Variants in DHCR24 observed in about 807,000 individuals in gnomAD.
DHCR24 encodes 24-dehydrocholesterol reductase, also known as delta(24)-sterol reductase.
A neutral mutation model predicts 61.2 loss-of-function variants in DHCR24; 28 were observed. The ratio of observed to expected loss-of-function variants is 0.46; its 90% confidence interval spans 0.34 to 0.63. The LOEUF is 0.63. Ranked by LOEUF, DHCR24 falls within the 20% of genes least tolerant of loss-of-function variation. DHCR24 has a pLI of 0.01. For synonymous variants in DHCR24, 261 were observed against 275.9 expected (o/e 0.95, Z 0.54); for missense variants, 538 against 679.1 (o/e 0.79, Z 2.31).
At chr1:54,854,583 A>G (rs1282105608) in intron 6 of DHCR24, among the ~76,000 whole-genome samples, 1 of 152,244 alleles carries the variant, frequency 6.6e-6, no homozygotes. Flanking sequence ...GCTAGCTATC[A>G]TTCCTGATCT....
chr1:54,871,553 C>T lies in DHCR24; in HGVS notation c.673G>A (p.Val225Met). 1 of 1,614,176 alleles carries T rather than the reference C, an allele frequency of 6.2e-7. No homozygotes were observed. The highest frequency in any genetic ancestry group is 1.1e-5 in the South Asian group (1 of 91,078). ...GGGATGATGCGGATCTCAGCGGCCA[C>T]CAGGAAACCCAGCGTCCCACAGGAC... ...PWSCGTLGFL[V>M]AAEIRIIPAK... The change falls in exon 5 of 9, where the codon GTG becomes ATG. Residue 225 changes from valine (V) to methionine (M), a missense_variant. By Grantham distance (21) the Val-to-Met change is conservative. Transcript: ENST00000371269.
At position 54,886,919 on chromosome 1, in the gene DHCR24, G is replaced by A; in HGVS notation, c.201C>T (p.His67=). ...TCTGGATGTCCCGCACGCGCTGCTCGTGCAGGCGCGGAGCGCTGCTGAGCT... is the reference window on the plus strand; with the variant it reads ...TCTGGATGTCCCGCACGCGCTGCTCATGCAGGCGCGGAGCGCTGCTGAGCT... ...VFKLSSAPRL[H]EQRVRDIQKQ... is the part of the protein sequence containing the mutation. Residue 67 remains histidine (H), a synonymous_variant, in exon 1 of 9, where the codon CAC becomes CAT. Coordinates refer to ENST00000371269, the MANE Select transcript of DHCR24 (RefSeq NM_014762.4). The A allele has an allele frequency of 2.5e-6, 4 of 1,613,332 alleles. No homozygotes were observed. Among genetic ancestry groups the A allele is most frequent in the Non-Finnish European group, 3.4e-6 (4 of 1,179,620 alleles).
chr1:54,875,031 G>T, intron 4 of DHCR24, 62 bp downstream of exon 4: 1 of 1,436,754 alleles, frequency 7.0e-7, no homozygotes, highest in South Asian at 1.1e-5. Context: ...CCACCTCCCT[G>T]ACCTCAGGAT....
At chr1:54,853,098 TGCC>T (rs1307632656) in intron 8 of DHCR24, among the ~76,000 whole-genome samples, 9 of 152,140 alleles carry the variant, frequency 5.9e-5, no homozygotes, top group Admixed American at 5.9e-4. Context: ...CTGGAGCAGT[TGCC>T]CCTGGACCCA....
intron 3 of DHCR24, 38 bp downstream of exon 3, chr1:54,875,904 C>G: frequency 6.4e-7 from 1 of 1,560,958 alleles, no homozygotes. Context: ...GTCCTAGGAC[C>G]GTGTGTCTCT....
intron 1 of DHCR24, among the ~76,000 whole-genome samples, chr1:54,884,212 C>CA (rs1393815604): frequency 2.6e-5 from 4 of 152,112 alleles, no homozygotes; most frequent in African/African-American, 9.7e-5. Context: ...TAAGGAAACT[C>CA]AAAAGCAAAA....
rs772411398 is a variant in DHCR24 at position 54,852,438 on chromosome 1, G to A, written c.1398-52C>T. 3.7e-6 allele frequency: 6 copies of A among 1,606,272 alleles called. No individual in the cohort carries two copies. The African/African-American group carries it at 6.7e-5, about 18-fold the overall frequency. On this transcript the variant is annotated intron_variant, in intron 8 of 8. Coordinates refer to ENST00000371269, the MANE Select transcript of DHCR24 (RefSeq NM_014762.4). ...ACGCCAGGAGGCACACGGAACGCGA[G>A]GCGTGAGAGAAACCCAACTGCTCAT...
rs2075391 is a variant in DHCR24 at position 54,875,720 on chromosome 1, A to T, written c.493+222T>A. On this transcript the variant is annotated intron_variant, in intron 3 of 8. Coordinates refer to ENST00000371269, the MANE Select transcript of DHCR24 (RefSeq NM_014762.4). ...GAACAAGTCACAGGGAAGCAGATTC[A>T]AACCAGAAATTAAAAGTGCCTTCTG... Among the ~76,000 whole-genome samples the T allele has an allele frequency of 0.015, 2,356 of 152,306 alleles. 80 individuals are homozygous for T. Among genetic ancestry groups the T allele is most frequent in the East Asian group, 0.12 (625 of 5,174 alleles).
At chr1:54,884,439 G>A (rs1647081832) in intron 1 of DHCR24, among the ~76,000 whole-genome samples, 1 of 152,160 alleles carries the variant, frequency 6.6e-6, no homozygotes, top group Non-Finnish European at 1.5e-5. Context: ...GAGCAGGGAA[G>A]GACCACCAAG....
intron 6 of DHCR24, among the ~76,000 whole-genome samples, chr1:54,861,553 G>A (rs1024174767): frequency 1.3e-5 from 2 of 152,076 alleles, no homozygotes; most frequent in South Asian, 2.1e-4. Flanking sequence ...AGTCCCTGGG[G>A]GCCTCTCACA....
rs116270745 is a variant in DHCR24, at chr1:54,854,755, C to A, written c.1021-521G>T. ...GGGTGGGTGCAGTCTGGCTCAGGTTCGACAAGGAGCCCACTGGTTTGCAGC... is the reference window on the plus strand; with the variant it reads ...GGGTGGGTGCAGTCTGGCTCAGGTTAGACAAGGAGCCCACTGGTTTGCAGC... On this transcript the variant is annotated intron_variant, in intron 6 of 8. Transcript: ENST00000371269. Among the ~76,000 whole-genome samples the A allele has an allele frequency of 4.0e-3, 614 of 152,278 alleles. 9 individuals carry two copies. The highest frequency in any genetic ancestry group is 0.014 in the African/African-American group (576 of 41,550).
chr1:54,874,952 C>A, intron 4 of DHCR24, 141 bp downstream of exon 4: 1 of 770,368 alleles, frequency 1.3e-6, no homozygotes. Context: ...TAAGGGGCTA[C>A]ACAAATTTTT....
intron 5 of DHCR24, among the ~76,000 whole-genome samples, chr1:54,867,428 G>A (rs915816904): frequency 6.6e-6 from 1 of 152,122 alleles, no homozygotes; most frequent in Non-Finnish European, 1.5e-5. Flanking sequence ...TGCTCACTGG[G>A]GCACTTGGCA....
At chr1:54,866,410 A>G (rs1646968218) in intron 5 of DHCR24, among the ~76,000 whole-genome samples, 1 of 150,170 alleles carries the variant, frequency 6.7e-6, no homozygotes, top group African/African-American at 2.5e-5. Context: ...GTTCAGTGGC[A>G]CGATCTTGGC....
intron 6 of DHCR24, among the ~76,000 whole-genome samples, chr1:54,858,803 A>C (rs892620677): frequency 6.6e-6 from 1 of 151,970 alleles, no homozygotes; most frequent in East Asian, 1.9e-4. Context: ...CATCTGGCTA[A>C]TTTTGTATTT....
chr1:54,886,724 A>G (rs867389087), intron 1 of DHCR24, 165 bp downstream of exon 1: 1 of 720,808 alleles, frequency 1.4e-6, no homozygotes, highest in Admixed American at 4.5e-5. Context: ...CCCCGCCCCC[A>G]TCACATTTTT....
At chr1:54,886,791 CG>C in intron 1 of DHCR24, 97 bp downstream of exon 1, 1 of 1,537,884 alleles carries the variant, frequency 6.5e-7, no homozygotes. Flanking sequence ...AAGTCCTGGC[CG>C]CCCCCGCACC....
rs201458129 is a variant in DHCR24, at chr1:54,853,446, C to T, written c.1385G>A (p.Arg462His). 101 of 1,614,050 alleles carry T rather than the reference C, an allele frequency of 6.3e-5. No individual in the cohort carries two copies. The highest frequency in any genetic ancestry group is 7.5e-5 in the Non-Finnish European group (88 of 1,180,012). Residue 462 changes from arginine (R) to histidine (H), a missense_variant, in exon 8 of 9, where the codon CGC becomes CAC. Arg to His is a conservative substitution (Grantham distance 29, BLOSUM62 0). Transcript: ENST00000371269. ...CTGGGCCACTCACCCATGCACGCTG[C>T]GGACAAACTTCTCCAGCTGCCTCAT... ...SCMRQLEKFV[R>H]SVHGFQMLYA... is the part of the protein sequence containing the mutation.
At chr1:54,866,359 T>C (rs1243867472) in intron 5 of DHCR24, among the ~76,000 whole-genome samples, 1 of 152,050 alleles carries the variant, frequency 6.6e-6, no homozygotes, top group Non-Finnish European at 1.5e-5. Context: ...CATCTTTTTT[T>C]TTTTTTTGAG....
Sources: allele counts gnomAD v4.1 joint callset (sites outside exome capture counted in the v4.1 genomes callset), GRCh38; gene constraint gnomAD v4.1.1; transcripts MANE v1.5; gene names NCBI Gene and HGNC (gene_info 2026-07-23, HGNC 2026-07-21).